Variants in COL11A2 observed in about 807,000 individuals in gnomAD.
The protein encoded by COL11A2 is collagen type XI alpha 2 chain.
A neutral mutation model predicts 273.4 loss-of-function variants in COL11A2; 116 were observed. That is an observed-to-expected ratio of 0.42 (90% CI 0.36 to 0.49). COL11A2 has a LOEUF of 0.49. COL11A2 is among the 20% of genes least tolerant of loss of function. COL11A2 has a pLI of 0.00. For missense variants in COL11A2, 1,866 were observed against 2,309.0 expected (o/e 0.81, Z 3.93); for synonymous variants, 782 against 864.2 (o/e 0.90, Z 1.67).
Position 33,181,369 on chromosome 6 carries a change from GC to G in COL11A2, c.1120-200del, listed in dbSNP as rs56076919. Among the ~76,000 whole-genome samples, 47,824 of 151,750 alleles carry G rather than the reference GC, an allele frequency of 0.32. 7,726 individuals are homozygous for G. The highest frequency in any genetic ancestry group is 0.38 in the South Asian group (1,834 of 4,792). ...TGCCAAGGAGACCTCAGGGTTCCCTGCCCCCCCAGTTCCCAGCCCCACCTCA... is the reference window on the plus strand; with the variant it reads ...TGCCAAGGAGACCTCAGGGTTCCCTGCCCCCCAGTTCCCAGCCCCACCTCA... On this transcript the variant is annotated intron_variant, in intron 8 of 65. Transcript: ENST00000341947.
chr6:33,162,778 C>T lies in COL11A2; in HGVS notation c.*900G>A, dbSNP rs1768530659. ...CTGGGAGTCCCTTCCATATGCCACA[C>T]ATTAACCCTTTAATTGCAGGATCAG... On this transcript the variant is annotated 3_prime_UTR_variant, in exon 66 of 66. Transcript: ENST00000341947. The surrounding 1 kb of genome is among the most constrained non-coding windows in gnomAD (Gnocchi z 4.9). The T allele has an allele frequency of 6.5e-6, 1 of 154,398 alleles. No individual in the cohort carries two copies. Among genetic ancestry groups the T allele is most frequent in the Non-Finnish European group, 1.5e-5 (1 of 68,256 alleles). 9.6% of individuals were successfully genotyped at this position (154,398 alleles called of 1,614,324 possible).
Position 33,191,437 on chromosome 6 carries a change from G to C in COL11A2, c.82+722C>G, listed in dbSNP as rs527668118. 7.2e-5 allele frequency among the ~76,000 whole-genome samples: 11 copies of C among 152,346 alleles called. No individual in the cohort carries two copies. In the East Asian group the frequency reaches 2.1e-3, roughly 29 times the overall value. On this transcript the variant is annotated intron_variant, in intron 1 of 65. Coordinates refer to ENST00000341947, the MANE Select transcript of COL11A2 (RefSeq NM_080680.3). ...CCCTTTCCTAGAAGCCAGGAATTCT[G>C]GGTCCTGGGAAAAAGAAGGAAAAGA...
Position 33,188,457 on chromosome 6 carries a change from C to G in COL11A2, c.511G>C (p.Val171Leu), listed in dbSNP as rs1018328130. The change falls in exon 4 of 66, where the codon GTC becomes CTC. Residue 171 changes from valine (V) to leucine (L), a missense_variant. Transcript: ENST00000341947. ...VTLIVDCKKR[V>L]TRPLPRSARP... The stretch of plus-strand genomic sequence containing the variant: ...GCACTTCGGGGGAGAGGCCGGGTGA[C>G]TCGCTTCTTGCAGTCAACAATGAGG... 6 of 1,613,062 alleles carry G rather than the reference C, an allele frequency of 3.7e-6. No individual in the cohort carries two copies. Among genetic ancestry groups the G allele is most frequent in the Non-Finnish European group, 5.1e-6 (6 of 1,180,038 alleles).
chr6:33,179,579 C>T lies in COL11A2; in HGVS notation c.1447-92G>A. The T allele has an allele frequency of 6.9e-7, 1 of 1,445,392 alleles. No individual in the cohort carries two copies. The highest frequency in any genetic ancestry group is 9.5e-7 in the Non-Finnish European group (1 of 1,051,702). 89.5% of individuals were successfully genotyped at this position (1,445,392 alleles called of 1,614,324 possible). On this transcript the variant is annotated intron_variant, in intron 13 of 65. Transcript: ENST00000341947. This position sits in a 1 kb window ranked among gnomAD's most constrained non-coding sequence, Gnocchi z 6.4. ...CAAATTCACCCTTCCTCTCCTGATCCTCATCCACTGCCCAGGATTCTCCCC... is the reference window on the plus strand; with the variant it reads ...CAAATTCACCCTTCCTCTCCTGATCTTCATCCACTGCCCAGGATTCTCCCC...
In COL11A2 at chr6:33,167,546, C is replaced by G. The variant is rs553576969; in HGVS notation, c.4015-13G>C. The G allele has an allele frequency of 8.7e-6, 14 of 1,612,538 alleles. No individual in the cohort carries two copies. The South Asian group carries it at 1.5e-4, about 18-fold the overall frequency. Reference sequence around the variant, plus strand: ...CGCCAGGATCTCCCTGAAACACACACAAGGAATGTGTCCTGAATGGCAGAG... The same window carrying G: ...CGCCAGGATCTCCCTGAAACACACAGAAGGAATGTGTCCTGAATGGCAGAG... On this transcript the variant is annotated splice_polypyrimidine_tract_variant and intron_variant, in intron 55 of 65. Coordinates refer to ENST00000341947, the MANE Select transcript of COL11A2 (RefSeq NM_080680.3). The surrounding 1 kb of genome is among the most constrained non-coding windows in gnomAD (Gnocchi z 6.1).
Position 33,177,598 on chromosome 6 carries a change from A to G in COL11A2, c.1917+64T>C. On this transcript the variant is annotated intron_variant, in intron 22 of 65. Coordinates refer to ENST00000341947, the MANE Select transcript of COL11A2 (RefSeq NM_080680.3). The surrounding 1 kb of genome is among the most constrained non-coding windows in gnomAD (Gnocchi z 5.9). ...CAGGCAGGGGTCAAAATGGCGGCCAACAGGATGCTGGCAGGGACCTCGGGG... is the reference window on the plus strand; with the variant it reads ...CAGGCAGGGGTCAAAATGGCGGCCAGCAGGATGCTGGCAGGGACCTCGGGG... The G allele has an allele frequency of 6.3e-7, 1 of 1,599,512 alleles. No individual in the cohort carries two copies.
Position 33,165,699 on chromosome 6 carries a change from G to C in COL11A2, c.4600C>G (p.Pro1534Ala). ...TCCTCCAGCCCCCCAGGACTGCCGG[G>C]GGCTCCCCCGGTCGGTATGGCCTCA... ...EDEAIPTGGA[P>A]GSPGGLEEIF... The change falls in exon 63 of 66, where the codon CCC (proline) becomes GCC (alanine). Residue 1534 changes from proline to alanine, a missense_variant. By Grantham distance (27) the Pro-to-Ala change is conservative. Coordinates refer to ENST00000341947, the MANE Select transcript of COL11A2 (RefSeq NM_080680.3). This position sits in a 1 kb window ranked among gnomAD's most constrained non-coding sequence, Gnocchi z 7.7. The C allele has an allele frequency of 6.2e-7, 1 of 1,611,118 alleles. No individual in the cohort carries two copies. The highest frequency in any genetic ancestry group is 8.5e-7 in the Non-Finnish European group (1 of 1,179,968).
Position 33,164,535 on chromosome 6 carries a change from C to A in COL11A2, c.4864-62G>T. The A allele has an allele frequency of 7.3e-7, 1 of 1,365,352 alleles. No individual in the cohort carries two copies. 84.6% of individuals were successfully genotyped at this position (1,365,352 alleles called of 1,614,324 possible). On this transcript the variant is annotated intron_variant, in intron 64 of 65. Coordinates refer to ENST00000341947, the MANE Select transcript of COL11A2 (RefSeq NM_080680.3). This position sits in a 1 kb window ranked among gnomAD's most constrained non-coding sequence, Gnocchi z 4.7. ...AGAGAGGGCTGGCCTCAGAGGGAGA[C>A]AGAGACGGGCCTCAGGAGCATCTAC...
chr6:33,168,797 C>T, intron 52 of COL11A2, 38 bp from the exon 53 acceptor site: 1 of 1,598,688 alleles, frequency 6.3e-7, no homozygotes. Flanking sequence ...GGGCCCCCAA[C>T]CTGGCTGGCA....
rs777341603 is a variant in COL11A2, at chr6:33,173,317, CT to C, written c.2736+30del. 1.9e-5 allele frequency: 31 copies of C among 1,610,226 alleles called. No individual in the cohort carries two copies. The highest frequency in any genetic ancestry group is 3.4e-4 in the Middle Eastern group (2 of 5,942). ...GGGTTAAAGGGTCTGATGGAGCCCC[CT>C]GAGAATGGGTAGCCAGGAGCATCAC... On this transcript the variant is annotated intron_variant, in intron 37 of 65. Transcript: ENST00000341947. The surrounding 1 kb of genome is among the most constrained non-coding windows in gnomAD (Gnocchi z 6.3).
At position 33,173,492 on chromosome 6, in the gene COL11A2, G is replaced by T; in HGVS notation, c.2682+10C>A. The T allele has an allele frequency of 6.2e-7, 1 of 1,612,216 alleles. No individual in the cohort carries two copies. The highest frequency in any genetic ancestry group is 8.5e-7 in the Non-Finnish European group (1 of 1,179,542). On this transcript the variant is annotated intron_variant, in intron 36 of 65. Coordinates refer to ENST00000341947, the MANE Select transcript of COL11A2 (RefSeq NM_080680.3). This position sits in a 1 kb window ranked among gnomAD's most constrained non-coding sequence, Gnocchi z 6.3. ...GAAGCGAGGTGGGTCAGAGCTCGGG[G>T]TCAACTTACCGGGGGTCCTTTCGGT...
In COL11A2 at chr6:33,167,312, C is replaced by G; in HGVS notation, c.4128G>C (p.Gln1376His). ...GGCCTGTAGCTCCAGGTCGGCCTTG[C>G]TGACCCTGAAGATTTGAGGGGGCCA... The part of the protein sequence containing the change: ...GLRGLPGSVG[Q>H]QGRPGATGQA... The change falls in exon 57 of 66, where the codon CAG becomes CAC. Residue 1376 changes from glutamine (Q) to histidine (H), a missense_variant. Coordinates refer to ENST00000341947, the MANE Select transcript of COL11A2 (RefSeq NM_080680.3). The surrounding 1 kb of genome is among the most constrained non-coding windows in gnomAD (Gnocchi z 6.1). 1 of 1,613,746 alleles carries G rather than the reference C, an allele frequency of 6.2e-7. No individual in the cohort carries two copies. Among genetic ancestry groups the G allele is most frequent in the African/African-American group, 1.3e-5 (1 of 75,046 alleles).
intron 5 of COL11A2, 139 bp downstream of exon 5, chr6:33,186,488 G>T: frequency 6.6e-7 from 1 of 1,507,452 alleles, no homozygotes; most frequent in Non-Finnish European, 8.9e-7. Flanking sequence ...AAATAAAAAG[G>T]CTGATGAATG....
chr6:33,178,295 C>T lies in COL11A2; in HGVS notation c.1818+13G>A. 6.2e-7 allele frequency: 1 copy of T among 1,612,952 alleles called. No individual in the cohort carries two copies. Among genetic ancestry groups the T allele is most frequent in the Non-Finnish European group, 8.5e-7 (1 of 1,179,960 alleles). Reference sequence around the variant, plus strand: ...AGAGCCCCCTCCCCCAGCACCAGCCCTTGGACACTCACCGACTCTCCAGGC... The same window carrying T: ...AGAGCCCCCTCCCCCAGCACCAGCCTTTGGACACTCACCGACTCTCCAGGC... On this transcript the variant is annotated intron_variant, in intron 20 of 65. Transcript: ENST00000341947. This position sits in a 1 kb window ranked among gnomAD's most constrained non-coding sequence, Gnocchi z 4.6.
rs534700620 is a variant in COL11A2, at chr6:33,163,806, G to A, written c.5083C>T (p.Arg1695Trp). The change falls in exon 66 of 66, where the codon CGG becomes TGG. Residue 1695 changes from arginine to tryptophan, a missense_variant. Arg to Trp is a moderately radical substitution (Grantham distance 101). Coordinates refer to ENST00000341947, the MANE Select transcript of COL11A2 (RefSeq NM_080680.3). This position sits in a 1 kb window ranked among gnomAD's most constrained non-coding sequence, Gnocchi z 4.1. ...FRDGCQTQQG[R>W]TVLEVRTPVL... is the part of the protein sequence containing the mutation. ...GGCGTTCGCACCTCCAGCACCGTCCGGCCTTGCTGTGTCTTCAGGGGGAGA... is the reference window on the plus strand; with the variant it reads ...GGCGTTCGCACCTCCAGCACCGTCCAGCCTTGCTGTGTCTTCAGGGGGAGA... The A allele has an allele frequency of 5.3e-5, 85 of 1,612,976 alleles. 2 individuals carry two copies. The South Asian group carries it at 5.4e-4, about 10-fold the overall frequency.
Position 33,178,726 on chromosome 6 carries a change from G to A in COL11A2, c.1672C>T (p.Arg558Ter), listed in dbSNP as rs770271840. The change falls in exon 18 of 66, where the codon CGA becomes TGA. Residue 558 changes from arginine to a stop codon, truncating the protein, a stop_gained. Transcript: ENST00000341947. LOFTEE classifies it high-confidence loss of function. The surrounding 1 kb of genome is among the most constrained non-coding windows in gnomAD (Gnocchi z 4.6). ...AGCCCTGGGAGTCCATCAAAACCTC[G>A]GTCACCCTAGGAGGAGGAAGGATAG... is the stretch of plus-strand genomic sequence containing the variant. ...MPGDPGVKGD[R>*]GFDGLPGLPG... The A allele has an allele frequency of 1.6e-5, 25 of 1,612,568 alleles. No homozygotes were observed. Among genetic ancestry groups the A allele is most frequent in the Non-Finnish European group, 2.1e-5 (25 of 1,179,816 alleles).
rs754006806 is a variant in COL11A2 at position 33,171,103 on chromosome 6, G to T, written c.3366+11C>A. ...TGCTGGGCCTTCGGTGGGGGTGGAG[G>T]GGTCACTCACCGCTGCTCCAGGCTG... On this transcript the variant is annotated intron_variant, in intron 45 of 65. Transcript: ENST00000341947. 4.4e-6 allele frequency: 7 copies of T among 1,575,536 alleles called. 1 individual carries two copies. In the South Asian group the frequency reaches 8.0e-5, roughly 18 times the overall value.
In COL11A2 at chr6:33,169,975, C is replaced by T; in HGVS notation, c.3636+72G>A. On this transcript the variant is annotated intron_variant, in intron 49 of 65. Transcript: ENST00000341947. The surrounding 1 kb of genome is among the most constrained non-coding windows in gnomAD (Gnocchi z 5.5). ...CATCTCATTCTCTTTTGTCTCCCCA[C>T]CCAAAATTGGCAGAAATCCAACTCC... 6.2e-7 allele frequency: 1 copy of T among 1,612,584 alleles called. No individual in the cohort carries two copies. The highest frequency in any genetic ancestry group is 8.5e-7 in the Non-Finnish European group (1 of 1,178,782).
intron 3 of COL11A2, 67 bp downstream of exon 3, chr6:33,188,911 T>C (rs559215230): frequency 4.3e-5 from 67 of 1,542,888 alleles, no homozygotes; most frequent in Non-Finnish European, 3.6e-5. Context: ...GTTTAGAGTG[T>C]AGGGGTTTGG....
Sources: allele counts gnomAD v4.1 joint callset (sites outside exome capture counted in the v4.1 genomes callset), GRCh38; gene constraint gnomAD v4.1.1; non-coding constraint Gnocchi (gnomAD v3.1); transcripts MANE v1.5; gene names NCBI Gene and HGNC (gene_info 2026-07-23, HGNC 2026-07-21).